NCOA2: variants seen among roughly 807,000 people sequenced by gnomAD.
NCOA2 encodes the protein nuclear receptor coactivator 2.
Under a neutral mutation model 145.1 loss-of-function variants are expected in NCOA2, and 21 were observed. The ratio of observed to expected loss-of-function variants is 0.14; its 90% CI spans 0.10 to 0.21. The LOEUF (loss-of-function observed/expected upper bound fraction) is 0.21. Among genes scored for constraint, NCOA2 ranks in the 10% least tolerant of loss-of-function variants. NCOA2 has a pLI of 1.00. For missense variants in NCOA2, 1,472 were observed against 1,837.6 expected (o/e 0.80, Z 3.64); for synonymous variants, 619 against 637.5 (o/e 0.97, Z 0.44).
At chr8:70,405,277 T>G (rs1814716123), upstream of NCOA2, among the ~76,000 whole-genome samples, 1 of 152,056 alleles carries the variant, frequency 6.6e-6, no homozygotes, top group African/African-American at 2.4e-5. Context: ...TGTGTCTGTG[T>G]TTGTTTGTGG....
At chr8:70,321,974 C>T (rs750718948) in intron 1 of NCOA2, among the ~76,000 whole-genome samples, 1 of 151,412 alleles carries the variant, frequency 6.6e-6, no homozygotes, top group African/African-American at 2.4e-5. Context: ...ACTAAAAATA[C>T]AAAAATTAGC....
chr8:70,286,215 T>A (rs1162652442), intron 2 of NCOA2, among the ~76,000 whole-genome samples: 4 of 151,994 alleles, frequency 2.6e-5, no homozygotes, highest in Non-Finnish European at 4.4e-5. Context: ...GAGTTCAAGA[T>A]CAGCCTGGGC....
chr8:70,169,209 G>C (rs904357710), intron 6 of NCOA2, among the ~76,000 whole-genome samples: 7 of 152,120 alleles, frequency 4.6e-5, no homozygotes, highest in Non-Finnish European at 8.8e-5. Context: ...AGCTAAGGTG[G>C]GCCCACGCTG....
intron 2 of NCOA2, among the ~76,000 whole-genome samples, chr8:70,225,363 C>G (rs1277866902): frequency 6.6e-6 from 1 of 151,886 alleles, no homozygotes; most frequent in Admixed American, 6.6e-5. Flanking sequence ...ACATGACCAA[C>G]ATGGTGAAAC....
chr8:70,220,404 C>T (rs929194646), intron 2 of NCOA2, among the ~76,000 whole-genome samples: 3 of 152,062 alleles, frequency 2.0e-5, no homozygotes, highest in African/African-American at 7.2e-5. Flanking sequence ...TGTGAAAGGA[C>T]AAGTCTGAAA....
At chr8:70,319,340 GACA>G (rs1805863227) in intron 1 of NCOA2, among the ~76,000 whole-genome samples, 1 of 151,916 alleles carries the variant, frequency 6.6e-6, no homozygotes, top group African/African-American at 2.4e-5. Context: ...CCAAGGGTTC[GACA>G]CCAGCCTGAG....
chr8:70,345,185 T>C (rs1320178227), intron 1 of NCOA2, among the ~76,000 whole-genome samples: 2 of 152,200 alleles, frequency 1.3e-5, no homozygotes, highest in East Asian at 1.9e-4. Context: ...GTGTGACATA[T>C]GGGACTCTAG....
chr8:70,335,153 A>AAG (rs1563776041), intron 1 of NCOA2, among the ~76,000 whole-genome samples: 1 of 131,638 alleles, frequency 7.6e-6, no homozygotes, highest in Non-Finnish European at 1.6e-5. Flanking sequence ...AAAAAAAAAA[A>AAG]GATCTCTCCC....
intron 2 of NCOA2, among the ~76,000 whole-genome samples, chr8:70,294,405 T>C (rs985450614): frequency 6.6e-6 from 1 of 152,174 alleles, no homozygotes; most frequent in Non-Finnish European, 1.5e-5. Context: ...TAGCATATCA[T>C]GTTTACAACA....
At chr8:70,365,976 A>G (rs1176609616) in intron 1 of NCOA2, among the ~76,000 whole-genome samples, 1 of 152,232 alleles carries the variant, frequency 6.6e-6, no homozygotes, top group Non-Finnish European at 1.5e-5. Flanking sequence ...GAGGGAAAAT[A>G]ATGAAATAAG....
intron 1 of NCOA2, among the ~76,000 whole-genome samples, chr8:70,347,169 G>A (rs555031510): frequency 8.5e-5 from 13 of 152,078 alleles, no homozygotes; most frequent in African/African-American, 3.1e-4. Flanking sequence ...GCAACGTGGC[G>A]AAACCCTGTC....
chr8:70,410,359 C>A, the NCOA2 span, among the ~76,000 whole-genome samples: 1 of 152,198 alleles, frequency 6.6e-6, no homozygotes, highest in Non-Finnish European at 1.5e-5. Flanking sequence ...CCCTACAGTT[C>A]TCCTAGGTAT....
chr8:70,315,466 C>G (rs948963653), intron 1 of NCOA2, among the ~76,000 whole-genome samples: 1 of 152,078 alleles, frequency 6.6e-6, no homozygotes, highest in Admixed American at 6.6e-5. Context: ...AATACCAAAA[C>G]AATAAAAGCA....
intron 2 of NCOA2, among the ~76,000 whole-genome samples, chr8:70,225,877 T>G (rs530713126): frequency 1.3e-5 from 2 of 152,310 alleles, no homozygotes; most frequent in Non-Finnish European, 2.9e-5. Context: ...TTAATTAACC[T>G]CTTTGGAGCT....
chr8:70,321,916 G>C (rs1249859072), intron 1 of NCOA2, among the ~76,000 whole-genome samples: 1 of 150,044 alleles, frequency 6.7e-6, no homozygotes, highest in African/African-American at 2.5e-5. Flanking sequence ...ATCACCTGAG[G>C]TCAGGAGTTC....
chr8:70,128,840 G>C lies in NCOA2; in HGVS notation c.3465C>G (p.Asn1155Lys). Reference sequence around the variant, plus strand: ...TAGGCCGCTGTCCCATGGTGTGAAAGTTTGGATCTTGCATGGGAGAATAGC... The same window carrying C: ...TAGGCCGCTGTCCCATGGTGTGAAACTTTGGATCTTGCATGGGAGAATAGC... ...QGSYSPMQDP[N>K]FHTMGQRPSY... The change falls in exon 17 of 23, where the codon AAC becomes AAG. Residue 1155 changes from asparagine (N) to lysine (K), a missense_variant. Coordinates refer to ENST00000452400, the MANE Select transcript of NCOA2 (RefSeq NM_006540.4). The C allele has an allele frequency of 6.2e-7, 1 of 1,614,050 alleles. No individual in the cohort carries two copies. Among genetic ancestry groups the C allele is most frequent in the Non-Finnish European group, 8.5e-7 (1 of 1,179,904 alleles).
chr8:70,212,097 A>ATATATATATATATATT, intron 4 of NCOA2, among the ~76,000 whole-genome samples: 2 of 140,300 alleles, frequency 1.4e-5, no homozygotes, highest in African/African-American at 5.5e-5. Flanking sequence ...ATATATATAT[A>ATATATATATATATATT]TATTTGTTTT....
At chr8:70,160,790 T>A (rs1374643538) in intron 9 of NCOA2, among the ~76,000 whole-genome samples, 1 of 152,220 alleles carries the variant, frequency 6.6e-6, no homozygotes, top group Non-Finnish European at 1.5e-5. Flanking sequence ...TTCAGTTAGA[T>A]ACTACATTTA....
At chr8:70,314,931 G>A (rs1369109972) in intron 1 of NCOA2, among the ~76,000 whole-genome samples, 1 of 152,112 alleles carries the variant, frequency 6.6e-6, no homozygotes, top group East Asian at 1.9e-4. Context: ...ACGCTGATGT[G>A]GGTTGATACC....
Sources: gnomAD v4.1 joint callset for allele counts (sites outside exome capture counted in the v4.1 genomes callset) on GRCh38, gnomAD v4.1.1 for gene constraint, MANE v1.5 for transcripts, NCBI Gene and HGNC (gene_info 2026-07-23, HGNC 2026-07-21) for gene names.